Variants in SKI observed in about 807,000 individuals in gnomAD.
SKI encodes the protein SKI proto-oncogene, also known as ski oncogene.
In SKI, 23 loss-of-function variants were observed where a neutral mutation model predicts 59.3. The observed-to-expected ratio is 0.39, with a 90% CI of 0.28 to 0.55. The LOEUF is 0.55. SKI is among the 20% of genes least tolerant of loss of function. SKI has a pLI of 0.67. For synonymous variants in SKI, 673 were observed against 488.6 expected (o/e 1.38, Z -4.98); for missense variants, 1,017 against 1,038.9 (o/e 0.98, Z 0.29).
chr1:2,251,221 C>T (rs1160394337), intron 1 of SKI, among the ~76,000 whole-genome samples: 1 of 152,158 alleles, frequency 6.6e-6, no homozygotes, highest in Non-Finnish European at 1.5e-5. Flanking sequence ...GTTCTAGTCA[C>T]AGTTTTGATG....
intron 1 of SKI, among the ~76,000 whole-genome samples, chr1:2,230,196 AGG>A: frequency 6.6e-6 from 1 of 152,150 alleles, no homozygotes; most frequent in Non-Finnish European, 1.5e-5. Context: ...TCGAAGACGG[AGG>A]GCTGCCTGCC....
chr1:2,267,094 C>T lies in SKI; in HGVS notation c.970-35884C>T, dbSNP rs193289333. Among the ~76,000 whole-genome samples the T allele has an allele frequency of 1.8e-4, 27 of 152,260 alleles. No individual in the cohort carries two copies. Among genetic ancestry groups the T allele is most frequent in the East Asian group, 9.6e-4 (5 of 5,192 alleles). ...TTCGTTTTGTTAACATCTTCATCAC[C>T]GCCTTTTCAGTTTCAGCGGGAATTG... On this transcript the variant is annotated intron_variant, in intron 1 of 6. Coordinates refer to ENST00000378536, the MANE Select transcript of SKI (RefSeq NM_003036.4). The surrounding 1 kb of genome is among the most constrained non-coding windows in gnomAD (Gnocchi z 4.1).
At position 2,306,055 on chromosome 1, in the gene SKI, G is replaced by T; in HGVS notation, c.1803G>T (p.Lys601Asn). 1 of 1,598,364 alleles carries T rather than the reference G, an allele frequency of 6.3e-7. No individual in the cohort carries two copies. The change falls in exon 6 of 7, where the codon AAG becomes AAT. Residue 601 changes from lysine (K) to asparagine (N), a missense_variant. By Grantham distance (94) the Lys-to-Asn change is moderately conservative. Transcript: ENST00000378536. ...LEFLRVAKKE[K>N]LREATEAKRN... ...TCCTACGCGTGGCCAAGAAGGAGAA[G>T]CTGCGGGAGGCCACGGAGGCCAAGC...
chr1:2,299,368 C>T (rs763382084), intron 1 of SKI, among the ~76,000 whole-genome samples: 5 of 152,160 alleles, frequency 3.3e-5, no homozygotes, highest in Admixed American at 6.5e-5. Flanking sequence ...GCTGACGACC[C>T]GGGCTCTCGG....
chr1:2,243,095 A>G (rs1638915608), intron 1 of SKI, among the ~76,000 whole-genome samples: 1 of 152,212 alleles, frequency 6.6e-6, no homozygotes. Context: ...GCTTTGGGAT[A>G]TGAGTGCCTT....
At chr1:2,262,259 C>A (rs1260022089) in intron 1 of SKI, among the ~76,000 whole-genome samples, 1 of 138,862 alleles carries the variant, frequency 7.2e-6, no homozygotes, top group Admixed American at 7.3e-5. Flanking sequence ...CTCCTGATCT[C>A]CTGGTCTGGA....
At chr1:2,277,210 C>T (rs1237301167) in intron 1 of SKI, among the ~76,000 whole-genome samples, 1 of 152,222 alleles carries the variant, frequency 6.6e-6, no homozygotes, top group Non-Finnish European at 1.5e-5. Flanking sequence ...TGTCATGCCT[C>T]AGCCTCCTGA....
intron 1 of SKI, among the ~76,000 whole-genome samples, chr1:2,272,409 A>T (rs1639644380): frequency 6.6e-6 from 1 of 152,194 alleles, no homozygotes; most frequent in South Asian, 2.1e-4. Flanking sequence ...AGAGCCCTCC[A>T]CAGGAGCCCT....
At chr1:2,245,011 A>G (rs1638961263) in intron 1 of SKI, among the ~76,000 whole-genome samples, 1 of 152,222 alleles carries the variant, frequency 6.6e-6, no homozygotes, top group African/African-American at 2.4e-5. Flanking sequence ...CAGAACAGCT[A>G]AAACTGTAAA....
In SKI at chr1:2,305,132, C is replaced by T. The variant is rs556889885; in HGVS notation, c.1767+547C>T. ...TAGGAAGGAGAGGGCTCGGCCCGCACAGACACACACACACCCACCTGCACA... is the reference window on the plus strand; with the variant it reads ...TAGGAAGGAGAGGGCTCGGCCCGCATAGACACACACACACCCACCTGCACA... On this transcript the variant is annotated intron_variant, in intron 5 of 6. Transcript: ENST00000378536. 2.6e-5 allele frequency among the ~76,000 whole-genome samples: 4 copies of T among 152,330 alleles called. No homozygotes were observed. In the South Asian group the frequency reaches 8.3e-4, roughly 32 times the overall value.
chr1:2,261,581 T>C (rs931769671), intron 1 of SKI, among the ~76,000 whole-genome samples: 9 of 152,262 alleles, frequency 5.9e-5, no homozygotes, highest in African/African-American at 2.2e-4. Flanking sequence ...AGTTCTTATA[T>C]GTTGATCCTG....
At chr1:2,254,318 G>A (rs1446289660) in intron 1 of SKI, among the ~76,000 whole-genome samples, 1 of 152,174 alleles carries the variant, frequency 6.6e-6, no homozygotes, top group African/African-American at 2.4e-5. Context: ...GGAGGGCTCG[G>A]CTCTGCTCTC....
chr1:2,306,549 C>G (rs1640587414), intron 6 of SKI, 28 bp from the exon 7 acceptor site: 4 of 1,533,546 alleles, frequency 2.6e-6, no homozygotes, highest in Non-Finnish European at 3.5e-6. Context: ...AGCGAGCAGG[C>G]GCCGCTGACC....
intron 1 of SKI, among the ~76,000 whole-genome samples, chr1:2,272,762 C>T (rs577136643): frequency 3.3e-5 from 5 of 152,276 alleles, no homozygotes; most frequent in East Asian, 3.9e-4. Context: ...GTCTGGTTCC[C>T]GTCTCCCCTG....
intron 1 of SKI, among the ~76,000 whole-genome samples, chr1:2,231,719 CA>C (rs950621514): frequency 2.0e-5 from 3 of 152,230 alleles, no homozygotes; most frequent in African/African-American, 7.2e-5. Context: ...GTGGCAGCCA[CA>C]CAGCCTGGCC....
Position 2,306,585 on chromosome 1 carries a change from C to G in SKI, c.2007C>G (p.Asp669Glu), listed in dbSNP as rs750838146. 975 of 1,542,760 alleles carry G rather than the reference C, an allele frequency of 6.3e-4. 18 individuals carry two copies. Among genetic ancestry groups the G allele is most frequent in the Non-Finnish European group, 1.1e-4 (127 of 1,145,476 alleles). Residue 669 changes from aspartate to glutamate, a missense_variant, in exon 7 of 7, where the codon GAC (aspartate) becomes GAG (glutamate). By Grantham distance (45) the Asp-to-Glu change is conservative (BLOSUM62 2). Transcript: ENST00000378536. ...ACTCGGCTCCCTTTCAGATCGAAGA[C>G]CTGCAGGTGAAGCTGCAGCACGCGG... is the stretch of plus-strand genomic sequence containing the variant. ...LRAKYSAQIE[D>E]LQVKLQHAEA...
intron 1 of SKI, among the ~76,000 whole-genome samples, chr1:2,293,909 C>T (rs1398738700): frequency 1.3e-5 from 2 of 152,214 alleles, no homozygotes; most frequent in African/African-American, 4.8e-5. Context: ...AGGCGGTGGT[C>T]ACCGCGCCAC....
chr1:2,274,464 G>T lies in SKI; in HGVS notation c.970-28514G>T, dbSNP rs573698580. Among the ~76,000 whole-genome samples, 10 of 152,162 alleles carry T rather than the reference G, an allele frequency of 6.6e-5. 1 individual carries two copies. The South Asian group carries it at 2.1e-3, about 32-fold the overall frequency. ...GGTGGTGTGGGGCTGCCTCTCGCTC[G>T]CTCCACCAGCCACCCGAGGGCCCGT... On this transcript the variant is annotated intron_variant, in intron 1 of 6. Coordinates refer to ENST00000378536, the MANE Select transcript of SKI (RefSeq NM_003036.4).
chr1:2,243,305 G>A (rs1053397437), intron 1 of SKI, among the ~76,000 whole-genome samples: 2 of 152,224 alleles, frequency 1.3e-5, no homozygotes, highest in South Asian at 2.1e-4. Context: ...AGTGTGCTCC[G>A]CGTACCACCT....
Sources: allele counts gnomAD v4.1 joint callset (sites outside exome capture counted in the v4.1 genomes callset), GRCh38; gene constraint gnomAD v4.1.1; non-coding constraint Gnocchi (gnomAD v3.1); transcripts MANE v1.5; gene names NCBI Gene and HGNC (gene_info 2026-07-23, HGNC 2026-07-21).